The following AFF2 variants were observed in gnomAD, a reference collection of about 807,000 sequenced individuals.
AFF2 encodes the protein AF4/FMR2 family member 2.
In AFF2, 14 loss-of-function variants were observed where a neutral mutation model predicts 76.9. The ratio of observed to expected loss-of-function variants is 0.18; its 90% confidence interval spans 0.12 to 0.28. The LOEUF is 0.28. AFF2 is among the 10% of genes least tolerant of loss of function. The pLI, the probability that AFF2 is intolerant of heterozygous loss-of-function variation, is 1.00. For synonymous variants in AFF2, 398 were observed against 366.7 expected (o/e 1.09, Z -0.98); for missense variants, 868 against 1,001.1 (o/e 0.87, Z 1.79).
At chrX:148,612,223 C>A (rs868988139) in intron 1 of AFF2, among the ~76,000 whole-genome samples, 10 of 111,740 alleles carry the variant, frequency 8.9e-5, no homozygotes, top group African/African-American at 2.9e-4. Context: ...TCCTAAGCCT[C>A]CGTCCATGTA....
At position 148,846,678 on chromosome X, in the gene AFF2, G is replaced by A. The variant is rs185119197; in HGVS notation, c.1262+3245G>A. 5.5e-3 allele frequency among the ~76,000 whole-genome samples: 614 copies of A among 110,936 alleles called. 4 individuals are homozygous for A. Among genetic ancestry groups the A allele is most frequent in the African/African-American group, 0.019 (593 of 30,455 alleles). ...CCCACCTAGGTCTTCTTAATCAAAC[G>A]GAGTTTCTAATCTCCCCCAAAAATG... On this transcript the variant is annotated intron_variant, in intron 7 of 20. Coordinates refer to ENST00000370460, the MANE Select transcript of AFF2 (RefSeq NM_002025.4).
chrX:148,905,533 G>A lies in AFF2; in HGVS notation c.1397+1275G>A, dbSNP rs3135483. 9.0e-3 allele frequency among the ~76,000 whole-genome samples: 1,009 copies of A among 112,266 alleles called. 9 individuals carry two copies. Among genetic ancestry groups the A allele is most frequent in the African/African-American group, 0.031 (943 of 30,869 alleles). On this transcript the variant is annotated intron_variant, in intron 9 of 20. Coordinates refer to ENST00000370460, the MANE Select transcript of AFF2 (RefSeq NM_002025.4). ...AGAGGATGGTGCTAATGAGGCCAGGGTCAGGGCTTTTGTCCCTGGGTGGGC... is the reference window on the plus strand; with the variant it reads ...AGAGGATGGTGCTAATGAGGCCAGGATCAGGGCTTTTGTCCCTGGGTGGGC...
chrX:148,747,633 T>C (rs2055437461), intron 3 of AFF2, among the ~76,000 whole-genome samples: 1 of 111,700 alleles, frequency 9.0e-6, no homozygotes, highest in African/African-American at 3.3e-5. Context: ...TTATTTTCAT[T>C]AACAACAAAT....
chrX:148,817,815 G>A (rs1218390775), intron 4 of AFF2, among the ~76,000 whole-genome samples: 1 of 111,549 alleles, frequency 9.0e-6, no homozygotes, highest in Non-Finnish European at 1.9e-5. Flanking sequence ...CTGGTTCAGT[G>A]TTAAGAAATC....
intron 1 of AFF2, among the ~76,000 whole-genome samples, chrX:148,505,183 GT>G (rs1936885333): frequency 8.9e-6 from 1 of 111,826 alleles, no homozygotes; most frequent in African/African-American, 3.3e-5. Context: ...TTTAGGTTGT[GT>G]TTCTTAAGGG....
In AFF2 at chrX:148,995,498, T is replaced by TG. The variant is rs1211460525; in HGVS notation, c.*4172dup. 1 of 4,928 alleles carries TG rather than the reference T, an allele frequency of 2.0e-4. No homozygotes were observed. Among genetic ancestry groups the TG allele is most frequent in the Non-Finnish European group, 3.7e-4 (1 of 2,690 alleles). The allele number at this position is 4,928 out of a possible 1,213,427, so 0.4% of individuals were successfully genotyped here. ...GGGGGTGGGGGTGGGGGCGGGGGGG[T>TG]GGGGGGTGGGGAAGCCCCACAAAGC... On this transcript the variant is annotated 3_prime_UTR_variant, in exon 21 of 21. Coordinates refer to ENST00000370460, the MANE Select transcript of AFF2 (RefSeq NM_002025.4).
chrX:148,542,257 T>C (rs1424224987), intron 1 of AFF2, among the ~76,000 whole-genome samples: 2 of 108,836 alleles, frequency 1.8e-5, no homozygotes, highest in Non-Finnish European at 3.8e-5. Flanking sequence ...GTCTACTACT[T>C]GGCAAAGCAG....
intron 3 of AFF2, among the ~76,000 whole-genome samples, chrX:148,785,176 G>T (rs782265545): frequency 2.7e-5 from 3 of 111,974 alleles, no homozygotes; most frequent in Non-Finnish European, 5.6e-5. Flanking sequence ...TGTAGGGCTC[G>T]CTCTACTCAT....
chrX:148,920,142 T>A (rs2071576690), intron 9 of AFF2, among the ~76,000 whole-genome samples: 1 of 111,936 alleles, frequency 8.9e-6, no homozygotes, highest in Non-Finnish European at 1.9e-5. Context: ...AACAAGAAGA[T>A]AGTTGTATTG....
chrX:148,772,733 T>G (rs2069605461), intron 3 of AFF2, among the ~76,000 whole-genome samples: 1 of 110,950 alleles, frequency 9.0e-6, no homozygotes, highest in East Asian at 2.8e-4. Context: ...AAACTTAGAA[T>G]TGAGATTGAG....
chrX:148,683,256 A>T (rs1214587495), intron 3 of AFF2, among the ~76,000 whole-genome samples: 1 of 111,962 alleles, frequency 8.9e-6, no homozygotes, highest in Admixed American at 9.4e-5. Context: ...TGCTGTGTAA[A>T]CTGTGAAGTG....
At chrX:148,725,376 G>C (rs1054618120) in intron 3 of AFF2, among the ~76,000 whole-genome samples, 1 of 110,958 alleles carries the variant, frequency 9.0e-6, no homozygotes, top group Non-Finnish European at 1.9e-5. Flanking sequence ...TGGTCTGGAA[G>C]ATCAGGTACT....
At chrX:148,609,147 G>T (rs1047178698) in intron 1 of AFF2, among the ~76,000 whole-genome samples, 1 of 111,009 alleles carries the variant, frequency 9.0e-6, no homozygotes, top group Non-Finnish European at 1.9e-5. Context: ...TAGGGGGCTC[G>T]CATATAGATT....
chrX:148,528,253 G>A (rs1257507927), intron 1 of AFF2, among the ~76,000 whole-genome samples: 1 of 111,935 alleles, frequency 8.9e-6, no homozygotes, highest in East Asian at 2.8e-4. Flanking sequence ...TGCCCTTACA[G>A]CTGTACCTCA....
chrX:148,770,413 T>G (rs894314705), intron 3 of AFF2, among the ~76,000 whole-genome samples: 14 of 112,130 alleles, frequency 1.2e-4, no homozygotes, highest in Non-Finnish European at 2.1e-4. Context: ...TTTAATCCTG[T>G]TTGGCAGGGT....
intron 9 of AFF2, among the ~76,000 whole-genome samples, chrX:148,949,045 G>T (rs1168305470): frequency 9.0e-6 from 1 of 110,522 alleles, no homozygotes; most frequent in Admixed American, 9.7e-5. Context: ...TTCAGAACAA[G>T]CCCACTCTTT....
rs146411638 is a variant in AFF2, at chrX:148,786,258, T to A, written c.1042-23618T>A. On this transcript the variant is annotated intron_variant, in intron 3 of 20. Transcript: ENST00000370460. ...ACTCTGCCCTCCTGCCATTGAGTAT[T>A]GTTCATGCCTTCCTCTTCTCATTTT... 6.3e-5 allele frequency among the ~76,000 whole-genome samples: 7 copies of A among 111,923 alleles called. No individual in the cohort carries two copies. In the East Asian group the frequency reaches 2.0e-3, roughly 31 times the overall value.
At chrX:148,725,075 T>C (rs1858885) in intron 3 of AFF2, among the ~76,000 whole-genome samples, 7,645 of 110,759 alleles carry the variant, frequency 0.069, 271 homozygotes, top group South Asian at 0.14. Context: ...AGTCTAGTTG[T>C]CAAGCCATAG....
intron 3 of AFF2, among the ~76,000 whole-genome samples, chrX:148,697,061 A>G (rs1489731311): frequency 8.9e-6 from 1 of 112,346 alleles, no homozygotes; most frequent in Non-Finnish European, 1.9e-5. Context: ...TGTTTCCCCT[A>G]TAAAATGAAT....
Sources: gnomAD v4.1 joint callset for allele counts (sites outside exome capture counted in the v4.1 genomes callset) on GRCh38, gnomAD v4.1.1 for gene constraint, MANE v1.5 for transcripts, NCBI Gene and HGNC (gene_info 2026-07-23, HGNC 2026-07-21) for gene names.